Variants in PRKAR1B observed in about 807,000 individuals in gnomAD.
PRKAR1B encodes cAMP-dependent protein kinase type I-beta regulatory subunit.
Under a neutral mutation model 46.5 loss-of-function variants are expected in PRKAR1B, and 22 were observed. The observed-to-expected ratio is 0.47, with a 90% CI of 0.34 to 0.68. The LOEUF (loss-of-function observed/expected upper bound fraction) is 0.68. Ranked by LOEUF, PRKAR1B falls within the 30% of genes least tolerant of loss-of-function variation. PRKAR1B has a pLI of 0.01. For missense variants in PRKAR1B, 445 were observed against 535.6 expected (o/e 0.83, Z 1.67); for synonymous variants, 259 against 217.7 (o/e 1.19, Z -1.67).
chr7:655,803 G>A (rs1216161939), intron 4 of PRKAR1B, among the ~76,000 whole-genome samples: 3 of 152,132 alleles, frequency 2.0e-5, no homozygotes, highest in Non-Finnish European at 4.4e-5. Context: ...TTGGTTCCCT[G>A]ATTGATGAGA....
At chr7:662,418 G>A (rs1785646187) in intron 4 of PRKAR1B, among the ~76,000 whole-genome samples, 2 of 117,554 alleles carry the variant, frequency 1.7e-5, no homozygotes, top group Non-Finnish European at 3.5e-5. Context: ...CATCCCAACG[G>A]GTCCAAATAC....
Position 583,535 on chromosome 7 carries a change from TCACA to T in PRKAR1B, c.769+969_769+972del, listed in dbSNP as rs1234269385. The stretch of plus-strand genomic sequence containing the variant: ...CCCACACACGCGTGCACACACCCAC[TCACA>T]CACGTGCCAAACACATGCGTGCACA... On this transcript the variant is annotated intron_variant, in intron 8 of 10. Coordinates refer to ENST00000537384, the MANE Select transcript of PRKAR1B (RefSeq NM_001164760.2). 4.6e-5 allele frequency among the ~76,000 whole-genome samples: 5 copies of T among 107,870 alleles called. 1 individual carries two copies. In the East Asian group the frequency reaches 1.3e-3, roughly 29 times the overall value. The allele number at this position is 107,870 out of a possible 152,430, so 70.8% of individuals were successfully genotyped here.
rs1456952649 is a variant in PRKAR1B, at chr7:666,520, A to G, written c.440+10709T>C. 6.6e-6 allele frequency among the ~76,000 whole-genome samples: 1 copy of G among 152,186 alleles called. No individual in the cohort carries two copies. Among genetic ancestry groups the G allele is most frequent in the Non-Finnish European group, 1.5e-5 (1 of 68,012 alleles). ...TGCCCTGGGAGCTACTCAACTCTGC[A>G]GAGGGGCTGTGCAGGTGCCGTCCCA... On this transcript the variant is annotated intron_variant, in intron 4 of 10. Coordinates refer to ENST00000537384, the MANE Select transcript of PRKAR1B (RefSeq NM_001164760.2). The surrounding 1 kb of genome is among the most constrained non-coding windows in gnomAD (Gnocchi z 4.9).
At chr7:626,284 G>C (rs921946405) in intron 4 of PRKAR1B, among the ~76,000 whole-genome samples, 2 of 152,178 alleles carry the variant, frequency 1.3e-5, no homozygotes, top group African/African-American at 4.8e-5. Context: ...TTGAGGCCAG[G>C]CATTTGAGAG....
chr7:689,978 G>C (rs1262701015), intron 2 of PRKAR1B, among the ~76,000 whole-genome samples: 1 of 150,654 alleles, frequency 6.6e-6, no homozygotes, highest in Non-Finnish European at 1.5e-5. Context: ...ACCGCGCCTG[G>C]CCGAGAACAC....
intron 8 of PRKAR1B, among the ~76,000 whole-genome samples, chr7:583,133 C>T (rs1040851069): frequency 3.9e-5 from 6 of 151,990 alleles, no homozygotes; most frequent in Admixed American, 6.6e-5. Flanking sequence ...GGGATGGGAG[C>T]GGTGCCGACA....
At chr7:561,687 C>T (rs1170044782) in intron 9 of PRKAR1B, among the ~76,000 whole-genome samples, 3 of 152,250 alleles carry the variant, frequency 2.0e-5, no homozygotes, top group Non-Finnish European at 2.9e-5. Context: ...GGGACGACAG[C>T]GAAAACACAC....
chr7:635,326 G>A (rs546428913), intron 4 of PRKAR1B, among the ~76,000 whole-genome samples: 20 of 152,338 alleles, frequency 1.3e-4, no homozygotes, highest in Non-Finnish European at 2.4e-4. Context: ...TGAATGTTCC[G>A]GATCTGGGCC....
chr7:702,819 G>A lies in PRKAR1B; in HGVS notation c.177+8510C>T, dbSNP rs112598044. On this transcript the variant is annotated intron_variant, in intron 2 of 10. Transcript: ENST00000537384. ...GCCTGGGCAAACGGGGCAAGACTCC[G>A]TCTCAAAAAAATAAGTAAATAAATA... Among the ~76,000 whole-genome samples the A allele has an allele frequency of 2.2e-3, 329 of 151,794 alleles. 1 individual carries two copies. Among genetic ancestry groups the A allele is most frequent in the African/African-American group, 7.2e-3 (298 of 41,412 alleles).
chr7:579,349 G>A lies in PRKAR1B; in HGVS notation c.798C>T (p.Thr266=), dbSNP rs767097881. 51 of 1,614,066 alleles carry A rather than the reference G, an allele frequency of 3.2e-5. No homozygotes were observed. In the East Asian group the frequency reaches 3.3e-4, roughly 11 times the overall value. ...GGACGGGCTCCAGCGCATCCGCCAC[G>A]GTCAGACGCTCCCACTTCTCCAGGG... ...LESLEKWERL[T]VADALEPVQF... The change falls in exon 9 of 11, where the codon ACC becomes ACT. Residue 266 remains threonine (T), a synonymous_variant. Coordinates refer to ENST00000537384, the MANE Select transcript of PRKAR1B (RefSeq NM_001164760.2).
intron 4 of PRKAR1B, among the ~76,000 whole-genome samples, chr7:636,764 C>A (rs1784133607): frequency 6.6e-6 from 1 of 152,338 alleles, no homozygotes; most frequent in South Asian, 2.1e-4. Flanking sequence ...GGGTCGGGTC[C>A]ATCTCTCTGT....
intron 4 of PRKAR1B, among the ~76,000 whole-genome samples, chr7:611,188 T>A (rs1195549767): frequency 6.6e-6 from 1 of 152,154 alleles, no homozygotes; most frequent in African/African-American, 2.4e-5. Context: ...TCATGAACGC[T>A]CCTCCACGGT....
Position 579,253 on chromosome 7 carries a change from C to T in PRKAR1B, c.891+3G>A. On this transcript the variant is annotated splice_donor_region_variant and intron_variant, in intron 9 of 10. Transcript: ENST00000537384. ...GAGCGCCCACGTGGGAAGCACGTCTCACCTCCGTGATGATGTAAAAGTCGT... is the reference window on the plus strand; with the variant it reads ...GAGCGCCCACGTGGGAAGCACGTCTTACCTCCGTGATGATGTAAAAGTCGT... 3.1e-6 allele frequency: 5 copies of T among 1,614,114 alleles called. No individual in the cohort carries two copies. Among genetic ancestry groups the T allele is most frequent in the Non-Finnish European group, 4.2e-6 (5 of 1,180,010 alleles).
chr7:562,034 G>C (rs993039195), intron 9 of PRKAR1B: 3 of 152,468 alleles, frequency 2.0e-5, no homozygotes, highest in African/African-American at 4.8e-5. Context: ...GCGCGGCCGG[G>C]GGGTGGGGGT....
At chr7:692,921 T>C (rs1779515850) in intron 2 of PRKAR1B, among the ~76,000 whole-genome samples, 1 of 151,258 alleles carries the variant, frequency 6.6e-6, no homozygotes, top group Non-Finnish European at 1.5e-5. Context: ...GGAGTTTGTT[T>C]GAGCAGGTGA....
chr7:615,811 G>C (rs1446794365), intron 4 of PRKAR1B, among the ~76,000 whole-genome samples: 30 of 108,440 alleles, frequency 2.8e-4, no homozygotes, highest in African/African-American at 9.7e-4. Flanking sequence ...CTGGGCTACA[G>C]AGCAAGACTC....
intron 7 of PRKAR1B, among the ~76,000 whole-genome samples, chr7:590,254 G>A (rs1385547442): frequency 6.6e-6 from 1 of 152,248 alleles, no homozygotes; most frequent in Non-Finnish European, 1.5e-5. Context: ...TCCAAAGTAT[G>A]TGCACATCAG....
At chr7:720,350 G>A (rs576525806) in intron 1 of PRKAR1B, among the ~76,000 whole-genome samples, 74 of 152,228 alleles carry the variant, frequency 4.9e-4, no homozygotes, top group African/African-American at 1.4e-3. Context: ...GAGCCACCGC[G>A]CCCAGCCCTC....
Position 601,515 on chromosome 7 carries a change from T to A in PRKAR1B, c.549+4678A>T, listed in dbSNP as rs368394291. ...CCTTACTGAGCATCCTTTGATTCCC[T>A]TAAATGTGGCCTTCACCCACACGGG... On this transcript the variant is annotated intron_variant, in intron 6 of 10. Coordinates refer to ENST00000537384, the MANE Select transcript of PRKAR1B (RefSeq NM_001164760.2). Among the ~76,000 whole-genome samples, 22 of 152,378 alleles carry A rather than the reference T, an allele frequency of 1.4e-4. No individual in the cohort carries two copies. In the East Asian group the frequency reaches 2.5e-3, roughly 17 times the overall value.
Sources: gnomAD v4.1 joint callset for allele counts (sites outside exome capture counted in the v4.1 genomes callset) on GRCh38, gnomAD v4.1.1 for gene constraint, Gnocchi (gnomAD v3.1) non-coding constraint, MANE v1.5 for transcripts, NCBI Gene and HGNC (gene_info 2026-07-23, HGNC 2026-07-21) for gene names.